The following ADAM22 variants were observed in gnomAD, a reference collection of about 807,000 sequenced individuals.
ADAM22 encodes the protein disintegrin and metalloproteinase domain-containing protein 22.
ADAM22 carries 65 observed loss-of-function variants against 144.6 expected under a neutral mutation model. The observed-to-expected ratio is 0.45, with a 90% CI of 0.37 to 0.55. The LOEUF (loss-of-function observed/expected upper bound fraction) is 0.55, where lower values mean the gene tolerates loss of function less well. Among genes scored for constraint, ADAM22 ranks in the 20% least tolerant of loss-of-function variants. The probability of loss-of-function intolerance (pLI) is 0.00; values close to 1 mark genes in which losing one functional copy is unlikely to be tolerated. For synonymous variants in ADAM22, 391 were observed against 412.6 expected (o/e 0.95, Z 0.63); for missense variants, 974 against 1,184.9 (o/e 0.82, Z 2.61).
intron 6 of ADAM22, among the ~76,000 whole-genome samples, chr7:88,116,329 A>T (rs186486919): frequency 1.3e-5 from 2 of 152,138 alleles, no homozygotes; most frequent in Non-Finnish European, 2.9e-5. Context: ...TACTTATACC[A>T]GGCATCCTGC....
chr7:88,124,474 C>G (rs1047221061), intron 7 of ADAM22, among the ~76,000 whole-genome samples: 2 of 151,056 alleles, frequency 1.3e-5, no homozygotes, highest in Admixed American at 1.3e-4. Flanking sequence ...TTCTTCCATA[C>G]TTTAAATTTA....
At chr7:88,163,963 C>A (rs925394396) in intron 23 of ADAM22, among the ~76,000 whole-genome samples, 1 of 152,046 alleles carries the variant, frequency 6.6e-6, no homozygotes, top group African/African-American at 2.4e-5. Context: ...GATAAAGGAT[C>A]CCTGTTTTGG....
chr7:88,122,965 G>A (rs1440175850), intron 7 of ADAM22, among the ~76,000 whole-genome samples: 2 of 152,208 alleles, frequency 1.3e-5, no homozygotes, highest in Admixed American at 6.5e-5. Context: ...AGTTTGCTAA[G>A]AGTTTTTATC....
intron 2 of ADAM22, among the ~76,000 whole-genome samples, chr7:87,965,072 C>T (rs1848747748): frequency 3.9e-5 from 6 of 152,102 alleles, no homozygotes; most frequent in Admixed American, 3.9e-4. Context: ...GTAGTGTGTT[C>T]TTCCTACCAG....
Position 87,935,026 on chromosome 7 carries a change from G to T in ADAM22, c.86G>T (p.Gly29Val). 6.2e-7 allele frequency: 1 copy of T among 1,614,164 alleles called. No individual in the cohort carries two copies. The highest frequency in any genetic ancestry group is 8.5e-7 in the Non-Finnish European group (1 of 1,180,028). The change falls in exon 2 of 32, where the codon GGA becomes GTA. Residue 29 changes from glycine (G) to valine (V), a missense_variant and splice_region_variant. Around this residue, in one of 2 missense-constraint regions of ADAM22, gnomAD observed 240 missense variants for 234.3 expected, o/e 1.02. Coordinates refer to ENST00000413139, the MANE Select transcript of ADAM22 (RefSeq NM_001324418.2). The part of the protein sequence containing the change: ...TCPPARCGQA[G>V]DASLMELEKR... ...CTCCTTTCCCGGTTCCTGCCTGGAG[G>T]AGACGCCTCATTGATGGAGCTAGAG...
At chr7:88,090,084 T>C (rs993669576) in intron 4 of ADAM22, 1 of 152,214 alleles carries the variant, frequency 6.6e-6, no homozygotes, top group Non-Finnish European at 1.5e-5. Context: ...TAAATACAGT[T>C]GATTAAAATG....
At chr7:88,165,465 G>T (rs1842738297) in intron 23 of ADAM22, among the ~76,000 whole-genome samples, 1 of 151,996 alleles carries the variant, frequency 6.6e-6, no homozygotes, top group African/African-American at 2.4e-5. Flanking sequence ...CCCTTACTAT[G>T]GAAGGAAGGA....
intron 3 of ADAM22, among the ~76,000 whole-genome samples, chr7:88,015,022 A>G (rs1021939886): frequency 1.3e-5 from 2 of 152,220 alleles, no homozygotes; most frequent in Non-Finnish European, 2.9e-5. Flanking sequence ...TGCAGTGATC[A>G]TTGATACAGG....
At chr7:88,068,900 T>A (rs1303700267) in intron 3 of ADAM22, among the ~76,000 whole-genome samples, 1 of 152,160 alleles carries the variant, frequency 6.6e-6, no homozygotes, top group Non-Finnish European at 1.5e-5. Context: ...AGATCTCAGA[T>A]GTTACGCAGA....
At chr7:88,109,851 A>G (rs1825553283) in intron 5 of ADAM22, among the ~76,000 whole-genome samples, 1 of 152,188 alleles carries the variant, frequency 6.6e-6, no homozygotes, top group African/African-American at 2.4e-5. Context: ...ATAGGTTGGA[A>G]TAGCCTATCC....
chr7:88,170,204 T>G (rs1163833028), intron 25 of ADAM22, among the ~76,000 whole-genome samples: 1 of 152,038 alleles, frequency 6.6e-6, no homozygotes, highest in Admixed American at 6.6e-5. Context: ...TACTACAGTA[T>G]CTTCTTTATA....
At position 88,145,016 on chromosome 7, in the gene ADAM22, T is replaced by G; in HGVS notation, c.1321-109T>G. ...TAGTTTAGGAAAATAAAACTATATT[T>G]TAGAATGACTGGCAGGGCAGGTATA... On this transcript the variant is annotated intron_variant, in intron 15 of 31. Transcript: ENST00000413139. The G allele has an allele frequency of 8.2e-6, 7 of 853,132 alleles. No homozygotes were observed. In the South Asian group the frequency reaches 1.3e-4, roughly 16 times the overall value. The allele number at this position is 853,132 out of a possible 1,614,324, so 52.8% of individuals were successfully genotyped here.
At chr7:88,008,894 A>T (rs1046917064) in intron 3 of ADAM22, among the ~76,000 whole-genome samples, 2 of 29,306 alleles carry the variant, frequency 6.8e-5, no homozygotes, top group African/African-American at 2.4e-4. Context: ...CTTAAAGTAT[A>T]ATAATAATAA....
chr7:88,110,308 G>A (rs1409029993), intron 5 of ADAM22, among the ~76,000 whole-genome samples: 1 of 152,098 alleles, frequency 6.6e-6, no homozygotes, highest in East Asian at 1.9e-4. Context: ...TCACATTTGT[G>A]ACAGCAAGTG....
intron 3 of ADAM22, among the ~76,000 whole-genome samples, chr7:88,019,042 A>T (rs1485208338): frequency 6.6e-6 from 1 of 151,978 alleles, no homozygotes; most frequent in Admixed American, 6.6e-5. Context: ...ATTTTTTGCC[A>T]TCTATAAAAA....
chr7:88,059,575 A>G (rs1809189167), intron 3 of ADAM22, among the ~76,000 whole-genome samples: 1 of 152,200 alleles, frequency 6.6e-6, no homozygotes, highest in African/African-American at 2.4e-5. Context: ...CATATGTTCA[A>G]TGAAGCACTA....
intron 4 of ADAM22, among the ~76,000 whole-genome samples, chr7:88,081,455 A>G (rs370215532): frequency 6.6e-6 from 1 of 151,996 alleles, no homozygotes; most frequent in East Asian, 1.9e-4. Context: ...CTCTCTCACC[A>G]CTCCTATTCA....
Position 88,021,802 on chromosome 7 carries a change from G to A in ADAM22, c.323+43390G>A, listed in dbSNP as rs1009015694. On this transcript the variant is annotated intron_variant, in intron 3 of 31. Transcript: ENST00000413139. Reference sequence around the variant, plus strand: ...TCAGGAAATTCTGATAGAGGTTTTCGAGTCATAAAAGACTCAGAGACAATG... The same window carrying A: ...TCAGGAAATTCTGATAGAGGTTTTCAAGTCATAAAAGACTCAGAGACAATG... Among the ~76,000 whole-genome samples the A allele has an allele frequency of 2.0e-5, 3 of 152,004 alleles. 1 individual carries two copies. Among genetic ancestry groups the A allele is most frequent in the Non-Finnish European group, 2.9e-5 (2 of 67,996 alleles).
chr7:88,166,704 T>C (rs1311857914), intron 24 of ADAM22, among the ~76,000 whole-genome samples: 2 of 152,140 alleles, frequency 1.3e-5, no homozygotes, highest in African/African-American at 4.8e-5. Context: ...AATATGACTT[T>C]TATAAAGAAA....
Sources: allele counts gnomAD v4.1 joint callset (sites outside exome capture counted in the v4.1 genomes callset), GRCh38; gene constraint gnomAD v4.1.1; regional missense constraint gnomAD v4.1.1; transcripts MANE v1.5; gene names NCBI Gene and HGNC (gene_info 2026-07-23, HGNC 2026-07-21).